XXYLT1: variants seen among roughly 807,000 people sequenced by gnomAD.
XXYLT1 encodes the protein xyloside xylosyltransferase 1.
In XXYLT1, 20 loss-of-function variants were observed where a neutral mutation model predicts 28.9. That is an observed-to-expected ratio of 0.69 (90% CI 0.49 to 1.00). XXYLT1 has a LOEUF of 1.00. Among genes scored for constraint, XXYLT1 ranks in the 50% least tolerant of loss-of-function variants. The probability of loss-of-function intolerance (pLI) is 0.00; values close to 1 mark genes in which losing one functional copy is unlikely to be tolerated. For synonymous variants in XXYLT1, 257 were observed against 253.8 expected (o/e 1.01, Z -0.12); for missense variants, 542 against 560.1 (o/e 0.97, Z 0.33).
At chr3:195,251,831 G>T (rs1277655443) in intron 1 of XXYLT1, among the ~76,000 whole-genome samples, 1 of 152,124 alleles carries the variant, frequency 6.6e-6, no homozygotes, top group Non-Finnish European at 1.5e-5. Context: ...GCTCACCAGG[G>T]TCCTGCAAAG....
At chr3:195,121,743 G>A (rs1323103981) in intron 3 of XXYLT1, among the ~76,000 whole-genome samples, 2 of 152,328 alleles carry the variant, frequency 1.3e-5, no homozygotes, top group South Asian at 2.1e-4. Flanking sequence ...ACACTCGCCA[G>A]GTCGGGGACT....
intron 2 of XXYLT1, among the ~76,000 whole-genome samples, chr3:195,223,883 G>A (rs1020759659): frequency 1.3e-4 from 20 of 152,190 alleles, no homozygotes; most frequent in African/African-American, 4.6e-4. Flanking sequence ...GCTGCCGGGC[G>A]CGGTGGCTCA....
At chr3:195,151,026 A>G (rs1202073116) in intron 3 of XXYLT1, among the ~76,000 whole-genome samples, 1 of 151,778 alleles carries the variant, frequency 6.6e-6, no homozygotes, top group African/African-American at 2.4e-5. Context: ...CAGAGTGGTG[A>G]CCTCAAGCCT....
At chr3:195,184,661 C>A in intron 2 of XXYLT1, 1 of 985,394 alleles carries the variant, frequency 1.0e-6, no homozygotes, top group Non-Finnish European at 1.2e-6. Flanking sequence ...TCAGGACTCA[C>A]CGGAGAACCA....
intron 1 of XXYLT1, among the ~76,000 whole-genome samples, chr3:195,233,253 T>A (rs1464557345): frequency 6.6e-6 from 1 of 152,230 alleles, no homozygotes; most frequent in East Asian, 1.9e-4. Flanking sequence ...TCAGTCTATG[T>A]GTGTTTTTAT....
intron 1 of XXYLT1, among the ~76,000 whole-genome samples, chr3:195,228,257 T>C (rs994249822): frequency 1.5e-4 from 22 of 149,826 alleles, no homozygotes; most frequent in African/African-American, 5.6e-4. Flanking sequence ...CTGACTGCCC[T>C]GTTTACACTG....
At chr3:195,130,385 G>A (rs1718844007) in intron 3 of XXYLT1, among the ~76,000 whole-genome samples, 1 of 152,256 alleles carries the variant, frequency 6.6e-6, no homozygotes, top group African/African-American at 2.4e-5. Flanking sequence ...AGAGGGGAAA[G>A]GCAGAGATGA....
rs1284119939 is a variant in XXYLT1, at chr3:195,077,810, C to A, written c.786-7699G>T. ...CGGCACCACCAGGACCCCAAGGTTG[C>A]TGCCCCGTATCCTCAGGATGTGCCA... is the stretch of plus-strand genomic sequence containing the variant. On this transcript the variant is annotated intron_variant, in intron 3 of 3. Coordinates refer to ENST00000310380, the MANE Select transcript of XXYLT1 (RefSeq NM_152531.5). The surrounding 1 kb of genome is among the most constrained non-coding windows in gnomAD (Gnocchi z 4.8). 6.6e-6 allele frequency among the ~76,000 whole-genome samples: 1 copy of A among 152,204 alleles called. No individual in the cohort carries two copies. The highest frequency in any genetic ancestry group is 1.5e-5 in the Non-Finnish European group (1 of 68,024).
rs1012729265 is a variant in XXYLT1, at chr3:195,129,920, T to C, written c.785+26529A>G. On this transcript the variant is annotated intron_variant, in intron 3 of 3. Coordinates refer to ENST00000310380, the MANE Select transcript of XXYLT1 (RefSeq NM_152531.5). The surrounding 1 kb of genome is among the most constrained non-coding windows in gnomAD (Gnocchi z 4.4). ...TCAGAGCAGCTGTACCACTTCATATTCCCACCACCAGTGAGTGCGGGTTCC... is the reference window on the plus strand; with the variant it reads ...TCAGAGCAGCTGTACCACTTCATATCCCCACCACCAGTGAGTGCGGGTTCC... Among the ~76,000 whole-genome samples the C allele has an allele frequency of 6.6e-6, 1 of 152,168 alleles. No individual in the cohort carries two copies. The highest frequency in any genetic ancestry group is 1.5e-5 in the Non-Finnish European group (1 of 68,030).
intron 3 of XXYLT1, among the ~76,000 whole-genome samples, chr3:195,132,467 CAA>C (rs200263210): frequency 9.4e-5 from 12 of 127,068 alleles, no homozygotes; most frequent in Non-Finnish European, 3.4e-5. Context: ...ACTCGGTCTC[CAA>C]AAAAAAAAAA....
chr3:195,106,717 A>G (rs913666516), intron 3 of XXYLT1, among the ~76,000 whole-genome samples: 13 of 152,244 alleles, frequency 8.5e-5, no homozygotes, highest in African/African-American at 1.4e-4. Flanking sequence ...TCAGGTCATC[A>G]GGAGCCAAGT....
In XXYLT1 at chr3:195,069,681, T is replaced by G; in HGVS notation, c.*34A>C. ...CAAGGAACCCTGTCCTTCCCCCAGA[T>G]CTGGAGGCCCCGGGGGCAAGGCACG... On this transcript the variant is annotated 3_prime_UTR_variant, in exon 4 of 4. Transcript: ENST00000310380. 1 of 1,581,510 alleles carries G rather than the reference T, an allele frequency of 6.3e-7. No homozygotes were observed. The highest frequency in any genetic ancestry group is 8.6e-7 in the Non-Finnish European group (1 of 1,166,522).
intron 2 of XXYLT1, 93 bp from the exon 3 acceptor site, chr3:195,156,674 G>A: frequency 3.3e-6 from 5 of 1,494,780 alleles, no homozygotes; most frequent in Non-Finnish European, 4.5e-6. Context: ...AGAGAAAAGG[G>A]CACTGGACTC....
chr3:195,143,829 T>G (rs1412331198), intron 3 of XXYLT1, among the ~76,000 whole-genome samples: 1 of 93,720 alleles, frequency 1.1e-5, no homozygotes, highest in Admixed American at 1.1e-4. Context: ...TAGATATATA[T>G]AGATATAGAT....
rs142921954 is a variant in XXYLT1 at position 195,220,529 on chromosome 3, T to G, written c.652+6180A>C. Among the ~76,000 whole-genome samples, 220 of 152,234 alleles carry G rather than the reference T, an allele frequency of 1.4e-3. 1 individual carries two copies. Among genetic ancestry groups the G allele is most frequent in the African/African-American group, 5.2e-3 (218 of 41,530 alleles). ...GAAGCCTTGACCTTGGGAGTCACAG[T>G]GTTGCAATCTGCACTCAGCTCTGTC... is the stretch of plus-strand genomic sequence containing the variant. On this transcript the variant is annotated intron_variant, in intron 2 of 3. Coordinates refer to ENST00000310380, the MANE Select transcript of XXYLT1 (RefSeq NM_152531.5).
At chr3:195,105,978 T>A (rs1015412872) in intron 3 of XXYLT1, among the ~76,000 whole-genome samples, 2 of 152,212 alleles carry the variant, frequency 1.3e-5, no homozygotes, top group Non-Finnish European at 2.9e-5. Flanking sequence ...TACTTCTGAT[T>A]AATGTCGGCA....
chr3:195,215,845 C>A (rs552181006), intron 2 of XXYLT1, among the ~76,000 whole-genome samples: 223 of 152,344 alleles, frequency 1.5e-3, no homozygotes, highest in African/African-American at 5.0e-3. Flanking sequence ...ACAGAACTCT[C>A]CACCCCAAAT....
In XXYLT1 at chr3:195,210,662, C is replaced by G. The variant is rs1470206026; in HGVS notation, c.652+16047G>C. Among the ~76,000 whole-genome samples the G allele has an allele frequency of 6.6e-6, 1 of 152,224 alleles. No homozygotes were observed. Among genetic ancestry groups the G allele is most frequent in the Non-Finnish European group, 1.5e-5 (1 of 68,040 alleles). ...GTAGAAAATGGTCTCTACCACGTTACTATTTTTAGCATTTTATGACAAATT... is the reference window on the plus strand; with the variant it reads ...GTAGAAAATGGTCTCTACCACGTTAGTATTTTTAGCATTTTATGACAAATT... On this transcript the variant is annotated intron_variant, in intron 2 of 3. Transcript: ENST00000310380. The surrounding 1 kb of genome is among the most constrained non-coding windows in gnomAD (Gnocchi z 4.8).
chr3:195,077,604 C>T lies in XXYLT1; in HGVS notation c.786-7493G>A, dbSNP rs1434001413. ...GTTCCCAAAGCTGTACCAGCTATGA[C>T]CAGCCCATCTCTGTGGGGCCCTGTA... On this transcript the variant is annotated intron_variant, in intron 3 of 3. Transcript: ENST00000310380. This position sits in a 1 kb window ranked among gnomAD's most constrained non-coding sequence, Gnocchi z 4.8. Among the ~76,000 whole-genome samples, 1 of 152,182 alleles carries T rather than the reference C, an allele frequency of 6.6e-6. No individual in the cohort carries two copies. Among genetic ancestry groups the T allele is most frequent in the Non-Finnish European group, 1.5e-5 (1 of 68,022 alleles).
Sources: gnomAD v4.1 joint callset for allele counts (sites outside exome capture counted in the v4.1 genomes callset) on GRCh38, gnomAD v4.1.1 for gene constraint, Gnocchi (gnomAD v3.1) non-coding constraint, MANE v1.5 for transcripts, NCBI Gene and HGNC (gene_info 2026-07-23, HGNC 2026-07-21) for gene names.